The following FMNL2 variants were observed in gnomAD, a reference collection of about 807,000 sequenced individuals.
FMNL2 encodes formin like 2.
In FMNL2, 51 loss-of-function variants were observed where a neutral mutation model predicts 130.2. The ratio of observed to expected loss-of-function variants is 0.39; its 90% confidence interval spans 0.31 to 0.49. The LOEUF (loss-of-function observed/expected upper bound fraction) is 0.49. FMNL2 is among the 20% of genes least tolerant of loss of function. The pLI is 0.85. For synonymous variants in FMNL2, 465 were observed against 467.1 expected (o/e 1.00, Z 0.06); for missense variants, 977 against 1,316.2 (o/e 0.74, Z 3.99).
intron 9 of FMNL2, among the ~76,000 whole-genome samples, chr2:152,606,900 C>T (rs1698387669): frequency 1.3e-5 from 2 of 151,100 alleles, no homozygotes; most frequent in South Asian, 4.2e-4. Flanking sequence ...TTCAGTTATA[C>T]ATATGAACAT....
intron 15 of FMNL2, among the ~76,000 whole-genome samples, chr2:152,623,297 A>T (rs1241667669): frequency 1.3e-5 from 2 of 152,198 alleles, no homozygotes; most frequent in East Asian, 3.8e-4. Flanking sequence ...TGCCAGAGGC[A>T]ATGCTAGGGC....
intron 1 of FMNL2, among the ~76,000 whole-genome samples, chr2:152,393,029 C>T (rs1685202472): frequency 1.3e-5 from 2 of 152,146 alleles, no homozygotes; most frequent in South Asian, 4.2e-4. Context: ...TTACTTTCCT[C>T]TCCTTGATGC....
At position 152,512,179 on chromosome 2, in the gene FMNL2, A is replaced by G. The variant is rs917001384; in HGVS notation, c.118-9764A>G. Reference sequence around the variant, plus strand: ...TGGATTCAGACACAGCTCCTGGCACAGCAGTTAGCAGACAGTAGGTGAAGA... The same window carrying G: ...TGGATTCAGACACAGCTCCTGGCACGGCAGTTAGCAGACAGTAGGTGAAGA... On this transcript the variant is annotated intron_variant, in intron 1 of 25. Coordinates refer to ENST00000288670, the MANE Select transcript of FMNL2 (RefSeq NM_052905.4). Among the ~76,000 whole-genome samples the G allele has an allele frequency of 2.6e-5, 4 of 152,206 alleles. No individual in the cohort carries two copies. In the South Asian group the frequency reaches 6.2e-4, roughly 24 times the overall value.
At chr2:152,606,495 T>G (rs982465901) in intron 9 of FMNL2, among the ~76,000 whole-genome samples, 1 of 152,114 alleles carries the variant, frequency 6.6e-6, no homozygotes, top group Non-Finnish European at 1.5e-5. Flanking sequence ...GGCAGGAGGA[T>G]TGCCTGAGCC....
At chr2:152,436,797 C>T (rs1687792648) in intron 1 of FMNL2, among the ~76,000 whole-genome samples, 1 of 152,090 alleles carries the variant, frequency 6.6e-6, no homozygotes, top group Non-Finnish European at 1.5e-5. Context: ...AGCTCCTCTC[C>T]AGTGATAAGT....
At chr2:152,411,220 G>T (rs1263490269) in intron 1 of FMNL2, among the ~76,000 whole-genome samples, 1 of 152,194 alleles carries the variant, frequency 6.6e-6, no homozygotes, top group Non-Finnish European at 1.5e-5. Context: ...AAGAGTTGAA[G>T]AGAAATTCTG....
At chr2:152,632,261 C>G in intron 21 of FMNL2, 124 bp downstream of exon 21, 2 of 1,309,800 alleles carry the variant, frequency 1.5e-6, no homozygotes, top group Non-Finnish European at 2.1e-6. Context: ...AAGTCAGACA[C>G]ACTGAGCTGG....
rs760606592 is a variant in FMNL2 at position 152,607,395 on chromosome 2, C to T, written c.933C>T (p.Asp311=). 1 of 1,612,492 alleles carries T rather than the reference C, an allele frequency of 6.2e-7. No homozygotes were observed. The highest frequency in any genetic ancestry group is 1.7e-5 in the Admixed American group (1 of 59,880). Residue 311 remains aspartate, a synonymous_variant, in exon 10 of 26, where the codon GAC becomes GAT. Transcript: ENST00000288670. ...EKLMEHFRNE[D]NNIDFMVASM... Reference sequence around the variant, plus strand: ...TGATGGAACATTTCAGGAATGAAGACAATAACATAGATTTTATGGTGAGTT... The same window carrying T: ...TGATGGAACATTTCAGGAATGAAGATAATAACATAGATTTTATGGTGAGTT...
chr2:152,394,918 C>T (rs1685311540), intron 1 of FMNL2, among the ~76,000 whole-genome samples: 1 of 152,130 alleles, frequency 6.6e-6, no homozygotes, highest in African/African-American at 2.4e-5. Flanking sequence ...ACCAAATTTG[C>T]AGGCATGGCT....
intron 1 of FMNL2, among the ~76,000 whole-genome samples, chr2:152,392,042 C>T (rs1283689516): frequency 1.3e-5 from 2 of 150,270 alleles, no homozygotes; most frequent in African/African-American, 4.9e-5. Context: ...TACAATAATT[C>T]ATTCTTTAAT....
At chr2:152,567,752 G>C (rs1018400187) in intron 6 of FMNL2, among the ~76,000 whole-genome samples, 1 of 152,144 alleles carries the variant, frequency 6.6e-6, no homozygotes, top group African/African-American at 2.4e-5. Context: ...GCATTTCAGT[G>C]GGTTGAACCC....
intron 1 of FMNL2, among the ~76,000 whole-genome samples, chr2:152,411,405 C>A (rs1404952202): frequency 6.6e-6 from 1 of 152,142 alleles, no homozygotes; most frequent in Non-Finnish European, 1.5e-5. Context: ...AGGAAATATA[C>A]CACTTCCCTT....
At chr2:152,479,771 C>T (rs947936429) in intron 1 of FMNL2, among the ~76,000 whole-genome samples, 6 of 137,278 alleles carry the variant, frequency 4.4e-5, no homozygotes, top group African/African-American at 1.1e-4. Flanking sequence ...AGTGCAGTGT[C>T]GCGATCTCGG....
intron 1 of FMNL2, among the ~76,000 whole-genome samples, chr2:152,488,926 C>T: frequency 6.6e-6 from 1 of 152,068 alleles, no homozygotes; most frequent in South Asian, 2.1e-4. Context: ...AAAAAATTAG[C>T]CAGGTGTGGT....
intron 8 of FMNL2, among the ~76,000 whole-genome samples, chr2:152,580,639 G>C (rs16831413): frequency 0.22 from 33,292 of 151,978 alleles, 5,417 homozygotes; most frequent in African/African-American, 0.46. Context: ...TAGCGTACCA[G>C]TAAACATTTT....
At chr2:152,424,903 A>G (rs1385520978) in intron 1 of FMNL2, among the ~76,000 whole-genome samples, 2 of 152,250 alleles carry the variant, frequency 1.3e-5, no homozygotes. Flanking sequence ...TATGTCTGGT[A>G]TAACACATTA....
intron 1 of FMNL2, among the ~76,000 whole-genome samples, chr2:152,347,120 A>G (rs1411616395): frequency 6.6e-6 from 1 of 151,700 alleles, no homozygotes; most frequent in Non-Finnish European, 1.5e-5. Flanking sequence ...TTCACAAACC[A>G]GACACAGTTG....
At chr2:152,597,606 A>G (rs1697836231) in intron 9 of FMNL2, among the ~76,000 whole-genome samples, 1 of 152,242 alleles carries the variant, frequency 6.6e-6, no homozygotes. Context: ...GCCTTGATGC[A>G]TGCTATGGCA....
At chr2:152,607,006 G>GTTTTTTTTTTTTTTTTTTTTTTT (rs58237890) in intron 9 of FMNL2, among the ~76,000 whole-genome samples, 1 of 84,850 alleles carries the variant, frequency 1.2e-5, no homozygotes, top group South Asian at 4.3e-4. Context: ...TTTTTTTTTT[G>GTTTTTTTTTTTTTTTTTTTTTTT]TTTTTTTTTT....
Sources: allele counts gnomAD v4.1 joint callset (sites outside exome capture counted in the v4.1 genomes callset), GRCh38; gene constraint gnomAD v4.1.1; transcripts MANE v1.5; gene names NCBI Gene and HGNC (gene_info 2026-07-23, HGNC 2026-07-21).